Variants in EPB41L5 observed in about 807,000 individuals in gnomAD.
EPB41L5 encodes the protein band 4.1-like protein 5.
A neutral mutation model predicts 106.6 loss-of-function variants in EPB41L5; 55 were observed. The observed-to-expected ratio is 0.52, with a 90% CI of 0.42 to 0.65. The LOEUF is 0.65. Among genes scored for constraint, EPB41L5 ranks in the 30% least tolerant of loss-of-function variants. The probability of loss-of-function intolerance (pLI) is 0.00; values close to 1 mark genes in which losing one functional copy is unlikely to be tolerated. For missense variants in EPB41L5, 871 were observed against 882.1 expected, an observed-to-expected ratio of 0.99 and a Z score of 0.16; for synonymous variants, 297 against 306.7, an observed-to-expected ratio of 0.97 and a Z score of 0.33.
At chr2:120,167,614 A>G in intron 23 of EPB41L5, 107 bp downstream of exon 23, 1 of 1,258,390 alleles carries the variant, frequency 7.9e-7, no homozygotes, top group East Asian at 2.3e-5. Flanking sequence ...GGTTGTTATC[A>G]AAGCCTTGTT....
In EPB41L5 at chr2:120,077,273, C is replaced by G. The variant is rs771447988; in HGVS notation, c.671C>G (p.Ala224Gly). 1 of 1,611,678 alleles carries G rather than the reference C, an allele frequency of 6.2e-7. No homozygotes were observed. The highest frequency in any genetic ancestry group is 8.5e-7 in the Non-Finnish European group (1 of 1,178,446). ...AQAETNYLNK[A>G]KWLEMYGVDM... ...GCTGAAACCAATTATCTGAATAAAG[C>G]CAAATGGCTAGAAATGTATGGGGTT... Residue 224 changes from alanine (A) to glycine (G), a missense_variant, in exon 9 of 25, where the codon GCC becomes GGC. Coordinates refer to ENST00000263713, the MANE Select transcript of EPB41L5 (RefSeq NM_020909.4).
At chr2:120,042,146 A>G in intron 3 of EPB41L5, 36 bp downstream of exon 3, 1 of 1,494,360 alleles carries the variant, frequency 6.7e-7, no homozygotes, top group East Asian at 2.3e-5. Flanking sequence ...TAGCATAAGG[A>G]GAAGAAACAG....
chr2:120,091,986 C>T (rs993235865), intron 13 of EPB41L5, among the ~76,000 whole-genome samples: 1 of 150,964 alleles, frequency 6.6e-6, no homozygotes, highest in African/African-American at 2.4e-5. Flanking sequence ...CCCTTAATCC[C>T]CTTAGGAATT....
chr2:120,085,997 A>G (rs1574631091), intron 10 of EPB41L5, among the ~76,000 whole-genome samples: 1 of 152,148 alleles, frequency 6.6e-6, no homozygotes. Flanking sequence ...GGAGTTCAAG[A>G]CCAGCCTGGC....
intron 12 of EPB41L5, 106 bp downstream of exon 12, chr2:120,090,622 A>C: frequency 2.0e-6 from 2 of 1,004,096 alleles, no homozygotes; most frequent in Non-Finnish European, 2.9e-6. Flanking sequence ...ATAGAGGAAT[A>C]AGGTGGTTTG....
intron 19 of EPB41L5, among the ~76,000 whole-genome samples, chr2:120,144,437 T>A (rs1468590722): frequency 6.6e-6 from 1 of 152,208 alleles, no homozygotes; most frequent in Non-Finnish European, 1.5e-5. Flanking sequence ...GACTAAGAAA[T>A]CATTACCTTA....
In EPB41L5 at chr2:120,099,689, G is replaced by A. The variant is rs138072968; in HGVS notation, c.1179-555G>A. On this transcript the variant is annotated intron_variant, in intron 14 of 24. Transcript: ENST00000263713. The stretch of plus-strand genomic sequence containing the variant: ...TGATCGCCCACCTCAGCCTCCCAAA[G>A]TGCTGGGATTACAGGCGTGAGCCAC... Among the ~76,000 whole-genome samples the A allele has an allele frequency of 5.5e-4, 83 of 152,276 alleles. 1 individual carries two copies. Among genetic ancestry groups the A allele is most frequent in the African/African-American group, 1.9e-3 (77 of 41,560 alleles).
chr2:120,135,083 A>G (rs975443265), intron 18 of EPB41L5, among the ~76,000 whole-genome samples: 19 of 152,316 alleles, frequency 1.2e-4, no homozygotes, highest in African/African-American at 4.3e-4. Flanking sequence ...TCAGAATTCT[A>G]TCAGATAAAT....
intron 1 of EPB41L5, 66 bp from the exon 2 acceptor site, chr2:120,019,007 TTGAC>T (rs1191489278): frequency 1.0e-5 from 14 of 1,342,316 alleles, no homozygotes; most frequent in Admixed American, 1.0e-4. Flanking sequence ...ATAATGCCAT[TTGAC>T]TGACTGCAAG....
intron 2 of EPB41L5, among the ~76,000 whole-genome samples, chr2:120,041,144 ATAT>A (rs756582631): frequency 1.1e-4 from 16 of 150,244 alleles, no homozygotes; most frequent in South Asian, 4.1e-4. Context: ...AATATAAAAC[ATAT>A]TATAAAAATA....
chr2:120,070,282 A>G (rs1681768074), intron 3 of EPB41L5, among the ~76,000 whole-genome samples: 1 of 152,234 alleles, frequency 6.6e-6, no homozygotes, highest in Non-Finnish European at 1.5e-5. Context: ...CTAAACCAGG[A>G]AGAAGTCAAA....
At chr2:120,130,143 CAA>C (rs11379919) in intron 17 of EPB41L5, among the ~76,000 whole-genome samples, 11 of 110,526 alleles carry the variant, frequency 1.0e-4, no homozygotes, top group East Asian at 2.5e-4. Flanking sequence ...GACTCCATCT[CAA>C]AAAAAAAAAA....
At chr2:120,073,121 A>G in intron 3 of EPB41L5, 57 bp from the exon 4 acceptor site, 2 of 1,484,074 alleles carry the variant, frequency 1.3e-6, no homozygotes, top group Non-Finnish European at 1.9e-6. Flanking sequence ...TTAGTAATTC[A>G]TTCAAATTTT....
intron 18 of EPB41L5, among the ~76,000 whole-genome samples, chr2:120,132,157 G>T (rs1273630436): frequency 3.3e-5 from 5 of 152,088 alleles, no homozygotes; most frequent in South Asian, 4.2e-4. Flanking sequence ...TTTTGTTGTA[G>T]GGTGGGGGAT....
intron 16 of EPB41L5, among the ~76,000 whole-genome samples, chr2:120,115,468 G>A (rs1429820932): frequency 2.0e-5 from 3 of 152,086 alleles, no homozygotes; most frequent in East Asian, 1.9e-4. Context: ...GCAGTGGCAC[G>A]ATCTCGGCTC....
At chr2:120,162,632 T>A (rs1040638576) in intron 21 of EPB41L5, among the ~76,000 whole-genome samples, 1 of 152,248 alleles carries the variant, frequency 6.6e-6, no homozygotes, top group Non-Finnish European at 1.5e-5. Flanking sequence ...GAACCTGAGA[T>A]GTTTTTGAAG....
intron 3 of EPB41L5, among the ~76,000 whole-genome samples, chr2:120,048,243 C>T (rs1192176139): frequency 6.6e-6 from 1 of 152,130 alleles, no homozygotes; most frequent in Admixed American, 6.5e-5. Flanking sequence ...GGTACCAGCT[C>T]CTCTTTGTAC....
At chr2:120,147,574 G>A (rs927239842) in intron 20 of EPB41L5, among the ~76,000 whole-genome samples, 10 of 146,550 alleles carry the variant, frequency 6.8e-5, no homozygotes, top group East Asian at 2.0e-4. Flanking sequence ...GCAGTGAGCC[G>A]TGATCGTGCC....
chr2:120,085,448 C>T (rs1434343533), intron 10 of EPB41L5, among the ~76,000 whole-genome samples: 2 of 152,194 alleles, frequency 1.3e-5, no homozygotes, highest in Non-Finnish European at 2.9e-5. Context: ...GCAAATGTTG[C>T]TGCCTGATTG....
Sources: allele counts gnomAD v4.1 joint callset (sites outside exome capture counted in the v4.1 genomes callset), GRCh38; gene constraint gnomAD v4.1.1; transcripts MANE v1.5; gene names NCBI Gene and HGNC (gene_info 2026-07-23, HGNC 2026-07-21).